CAMKMT: variants seen among roughly 807,000 people sequenced by gnomAD.
CAMKMT encodes calmodulin-lysine N-methyltransferase.
In CAMKMT, 53 loss-of-function variants were observed where a neutral mutation model predicts 48.0. The observed-to-expected ratio is 1.10, with a 90% CI of 0.89 to 1.39. The LOEUF is 1.39. CAMKMT is among the 40% of genes most tolerant of loss of function. The probability of loss-of-function intolerance (pLI) is 0.00; values close to 1 mark genes in which losing one functional copy is unlikely to be tolerated. For missense variants in CAMKMT, 428 were observed against 402.7 expected, an observed-to-expected ratio of 1.06 and a Z score of -0.54; for synonymous variants, 165 against 152.3, an observed-to-expected ratio of 1.08 and a Z score of -0.61.
intron 3 of CAMKMT, among the ~76,000 whole-genome samples, chr2:44,598,539 C>A (rs1235777855): frequency 6.6e-6 from 1 of 150,980 alleles, no homozygotes; most frequent in Non-Finnish European, 1.5e-5. Flanking sequence ...TAATGAACAG[C>A]CTGACAAGTA....
chr2:44,443,882 G>T (rs1439515456), intron 3 of CAMKMT, among the ~76,000 whole-genome samples: 1 of 152,172 alleles, frequency 6.6e-6, no homozygotes, highest in Non-Finnish European at 1.5e-5. Context: ...TGGGCTTAAA[G>T]TCTAATGGCA....
chr2:44,556,237 C>G (rs1001056454), intron 3 of CAMKMT, among the ~76,000 whole-genome samples: 1 of 152,030 alleles, frequency 6.6e-6, no homozygotes, highest in Non-Finnish European at 1.5e-5. Context: ...CTCCCAGGTT[C>G]AAGTGATTCT....
chr2:44,605,513 C>T lies in CAMKMT; in HGVS notation c.377-98770C>T, dbSNP rs1671234161. Reference sequence around the variant, plus strand: ...TCATATACACACAGGTATATCATCACACATACATAAAGTAATGAGAATAAC... The same window carrying T: ...TCATATACACACAGGTATATCATCATACATACATAAAGTAATGAGAATAAC... On this transcript the variant is annotated intron_variant, in intron 3 of 10. Transcript: ENST00000378494. Among the ~76,000 whole-genome samples the T allele has an allele frequency of 2.0e-5, 3 of 152,098 alleles. No homozygotes were observed. The South Asian group carries it at 6.2e-4, about 32-fold the overall frequency.
intron 3 of CAMKMT, among the ~76,000 whole-genome samples, chr2:44,438,870 A>T (rs993453348): frequency 3.3e-5 from 5 of 151,964 alleles, no homozygotes; most frequent in African/African-American, 1.2e-4. Flanking sequence ...CTTGCATAGG[A>T]CTGTCTCCTC....
chr2:44,372,611 A>AG (rs1679290397), intron 1 of CAMKMT, 105 bp from the exon 2 acceptor site: 1 of 868,596 alleles, frequency 1.2e-6, no homozygotes, highest in Non-Finnish European at 1.8e-6. Flanking sequence ...ATCTGTCATT[A>AG]TTAGAAGGGA....
intron 3 of CAMKMT, among the ~76,000 whole-genome samples, chr2:44,501,066 T>C (rs186454429): frequency 6.7e-6 from 1 of 149,246 alleles, no homozygotes; most frequent in African/African-American, 2.4e-5. Context: ...ATATTTTGGT[T>C]TTTTTTTTTC....
At chr2:44,739,978 G>A (rs1679581604) in intron 7 of CAMKMT, among the ~76,000 whole-genome samples, 3 of 152,154 alleles carry the variant, frequency 2.0e-5, no homozygotes, top group African/African-American at 7.2e-5. Context: ...GATCTAGGTG[G>A]CATAAGAGAA....
At chr2:44,758,876 G>A (rs565847258) in intron 9 of CAMKMT, among the ~76,000 whole-genome samples, 6 of 152,358 alleles carry the variant, frequency 3.9e-5, no homozygotes, top group African/African-American at 1.2e-4. Context: ...CCTCTGAAAT[G>A]ACTTTGGGTA....
intron 3 of CAMKMT, among the ~76,000 whole-genome samples, chr2:44,679,801 C>G (rs1051156602): frequency 6.6e-6 from 1 of 152,216 alleles, no homozygotes; most frequent in Non-Finnish European, 1.5e-5. Context: ...ATGCAAGCCA[C>G]TCTTGTCTGT....
At chr2:44,750,928 G>A (rs1409275493) in intron 8 of CAMKMT, among the ~76,000 whole-genome samples, 4 of 152,094 alleles carry the variant, frequency 2.6e-5, no homozygotes, top group Admixed American at 6.5e-5. Flanking sequence ...CAGGAGAATC[G>A]CTTGAACCCA....
intron 3 of CAMKMT, among the ~76,000 whole-genome samples, chr2:44,488,880 T>C (rs1297233116): frequency 6.6e-6 from 1 of 151,242 alleles, no homozygotes; most frequent in Non-Finnish European, 1.5e-5. Context: ...TGTGTGTGTT[T>C]TAAGAAATGG....
chr2:44,597,914 TTTAGTAGAGACGGGGTTTCA>T (rs1429251691), intron 3 of CAMKMT, among the ~76,000 whole-genome samples: 1 of 152,134 alleles, frequency 6.6e-6, no homozygotes, highest in East Asian at 1.9e-4. Flanking sequence ...TTTTTGTGTT[TTTAGTAGAGACGGGGTTTCA>T]CCATGTTGGT....
chr2:44,479,046 T>C (rs1469462286), intron 3 of CAMKMT, among the ~76,000 whole-genome samples: 4 of 152,238 alleles, frequency 2.6e-5, no homozygotes, highest in Non-Finnish European at 5.9e-5. Flanking sequence ...TTGGTACATA[T>C]TGCTATTCTT....
Position 44,508,309 on chromosome 2 carries a change from G to A in CAMKMT, c.376+118004G>A, listed in dbSNP as rs374226633. On this transcript the variant is annotated intron_variant, in intron 3 of 10. Coordinates refer to ENST00000378494, the MANE Select transcript of CAMKMT (RefSeq NM_024766.5). ...AGCCACATTGGTGGGAAATAGCAGAGCAAATATCTAGGTATTAATCCTGTG... is the reference window on the plus strand; with the variant it reads ...AGCCACATTGGTGGGAAATAGCAGAACAAATATCTAGGTATTAATCCTGTG... Among the ~76,000 whole-genome samples, 6 of 152,288 alleles carry A rather than the reference G, an allele frequency of 3.9e-5. No homozygotes were observed. The East Asian group carries it at 1.2e-3, about 29-fold the overall frequency.
At chr2:44,642,822 T>C (rs1367669137) in intron 3 of CAMKMT, among the ~76,000 whole-genome samples, 2 of 152,100 alleles carry the variant, frequency 1.3e-5, no homozygotes, top group Non-Finnish European at 2.9e-5. Flanking sequence ...GAGGGCTTGG[T>C]AAATGACTTC....
In CAMKMT at chr2:44,537,006, G is replaced by A. The variant is rs113499801; in HGVS notation, c.376+146701G>A. Among the ~76,000 whole-genome samples, 415 of 152,202 alleles carry A rather than the reference G, an allele frequency of 2.7e-3. 1 individual carries two copies. Among genetic ancestry groups the A allele is most frequent in the African/African-American group, 9.5e-3 (394 of 41,522 alleles). ...CATATCTCTCTCCACGTACCAAAAA[G>A]CCAACTCCAGATGGATTAAGGACTT... is the stretch of plus-strand genomic sequence containing the variant. On this transcript the variant is annotated intron_variant, in intron 3 of 10. Transcript: ENST00000378494.
At chr2:44,461,352 T>C (rs1038495108) in intron 3 of CAMKMT, among the ~76,000 whole-genome samples, 1 of 152,060 alleles carries the variant, frequency 6.6e-6, no homozygotes, top group Non-Finnish European at 1.5e-5. Flanking sequence ...AAAAAACCTC[T>C]AAAGAAGGTA....
At chr2:44,421,774 A>G (rs1345493411) in intron 3 of CAMKMT, among the ~76,000 whole-genome samples, 2 of 152,212 alleles carry the variant, frequency 1.3e-5, no homozygotes, top group African/African-American at 4.8e-5. Flanking sequence ...ACAACAATGG[A>G]TAAGAATGTT....
At chr2:44,384,693 G>T (rs970806655) in intron 2 of CAMKMT, among the ~76,000 whole-genome samples, 3 of 151,894 alleles carry the variant, frequency 2.0e-5, no homozygotes, top group African/African-American at 7.3e-5. Flanking sequence ...TTCATTCTCT[G>T]CATATAGCTA....
Sources: allele counts gnomAD v4.1 joint callset (sites outside exome capture counted in the v4.1 genomes callset), GRCh38; gene constraint gnomAD v4.1.1; transcripts MANE v1.5; gene names NCBI Gene and HGNC (gene_info 2026-07-23, HGNC 2026-07-21).